SNX30: variants seen among roughly 807,000 people sequenced by gnomAD.
SNX30 encodes the protein sorting nexin-30.
Under a neutral mutation model 46.4 loss-of-function variants are expected in SNX30, and 24 were observed. The ratio of observed to expected loss-of-function variants is 0.52; its 90% confidence interval spans 0.37 to 0.73. The LOEUF is 0.73. Ranked by LOEUF, SNX30 falls within the 30% of genes least tolerant of loss-of-function variation. SNX30 has a pLI of 0.00. For synonymous variants in SNX30, 189 were observed against 211.5 expected, an observed-to-expected ratio of 0.89 and a Z score of 0.92; for missense variants, 533 against 555.7, an observed-to-expected ratio of 0.96 and a Z score of 0.41.
At chr9:112,826,740 G>C (rs145833774) in intron 3 of SNX30, among the ~76,000 whole-genome samples, 1 of 152,288 alleles carries the variant, frequency 6.6e-6, no homozygotes, top group East Asian at 1.9e-4. Flanking sequence ...ACTTCAGAAA[G>C]ATAGTAATCT....
chr9:112,865,647 A>ATGTGTGTGTGTGTGTG (rs1841316801), intron 8 of SNX30, among the ~76,000 whole-genome samples: 1 of 85,188 alleles, frequency 1.2e-5, no homozygotes, highest in Non-Finnish European at 2.8e-5. Flanking sequence ...ATATATATAT[A>ATGTGTGTGTGTGTGTG]TATATATATA....
At chr9:112,825,442 G>A (rs1840566495) in intron 3 of SNX30, among the ~76,000 whole-genome samples, 1 of 151,980 alleles carries the variant, frequency 6.6e-6, no homozygotes, top group South Asian at 2.1e-4. Flanking sequence ...CTTCAGGCGT[G>A]CACCACCATG....
At chr9:112,791,502 C>T (rs2131388316) in intron 1 of SNX30, among the ~76,000 whole-genome samples, 1 of 149,796 alleles carries the variant, frequency 6.7e-6, no homozygotes, top group Non-Finnish European at 1.5e-5. Context: ...ACCTCCGCCT[C>T]CTGGGTTCAA....
chr9:112,751,015 C>G lies in SNX30; in HGVS notation c.14C>G (p.Pro5Arg). MAGG[P>R]PKALPSTGPH... ...GCGGTGCGCGCCATGGCGGGCGGGC[C>G]CCCCAAGGCCCTGCCGTCCACGGGG... Residue 5 changes from proline to arginine, a missense_variant, in exon 1 of 9, where the codon CCC (proline) becomes CGC (arginine). By Grantham distance (103) the Pro-to-Arg change is moderately radical. This residue lies in a region of SNX30 where 191 missense variants were observed against 160.3 expected (regional missense o/e 1.19). Transcript: ENST00000374232. The G allele has an allele frequency of 7.7e-7, 1 of 1,298,098 alleles. No individual in the cohort carries two copies. The highest frequency in any genetic ancestry group is 2.3e-5 in the South Asian group (1 of 43,180). The allele number at this position is 1,298,098 out of a possible 1,614,324, so 80.4% of individuals were successfully genotyped here. A position where few individuals can be genotyped will look rare whatever the true frequency, so the allele number is the denominator to read the frequency against.
chr9:112,857,778 A>ATCCG (rs1349291359), intron 7 of SNX30, among the ~76,000 whole-genome samples: 6 of 151,700 alleles, frequency 4.0e-5, no homozygotes, highest in African/African-American at 1.5e-4. Flanking sequence ...GCATCCATCC[A>ATCCG]TCCATCCATC....
chr9:112,856,099 C>T (rs1462586195), intron 7 of SNX30, among the ~76,000 whole-genome samples: 4 of 152,042 alleles, frequency 2.6e-5, no homozygotes, highest in Non-Finnish European at 1.5e-5. Flanking sequence ...CCAAAAAGAA[C>T]AAAGAAGGGA....
At chr9:112,778,402 A>C (rs1157489460) in intron 1 of SNX30, among the ~76,000 whole-genome samples, 1 of 151,056 alleles carries the variant, frequency 6.6e-6, no homozygotes, top group Non-Finnish European at 1.5e-5. Context: ...CCTCTCGAGT[A>C]GCTGGGATTT....
intron 1 of SNX30, among the ~76,000 whole-genome samples, chr9:112,775,546 G>T (rs533387816): frequency 2.3e-3 from 170 of 73,348 alleles, no homozygotes; most frequent in Middle Eastern, 0.011. Context: ...TTAAATTTGT[G>T]TGTGTGTGTG....
At chr9:112,779,489 G>C (rs1392492217) in intron 1 of SNX30, among the ~76,000 whole-genome samples, 1 of 152,208 alleles carries the variant, frequency 6.6e-6, no homozygotes, top group Non-Finnish European at 1.5e-5. Context: ...TTGAGGTCAG[G>C]AGTTTGAGAC....
chr9:112,819,003 G>A (rs1840448928), intron 3 of SNX30, among the ~76,000 whole-genome samples: 2 of 152,076 alleles, frequency 1.3e-5, no homozygotes, highest in Non-Finnish European at 2.9e-5. Flanking sequence ...TAAACAGTTG[G>A]GAATATTCCT....
downstream of SNX30, chr9:112,879,887 A>G (rs1841556859): frequency 4.2e-6 from 6 of 1,437,884 alleles, no homozygotes; most frequent in Admixed American, 1.0e-4. Flanking sequence ...AACTGCCCTC[A>G]CAGGGTTAAT....
intron 1 of SNX30, 70 bp downstream of exon 1, chr9:112,751,227 C>T: frequency 7.6e-7 from 1 of 1,311,538 alleles, no homozygotes; most frequent in South Asian, 2.0e-5. Context: ...GGATCCGGAG[C>T]CTTCGTGGGC....
At chr9:112,836,753 C>T (rs1257806305) in intron 5 of SNX30, among the ~76,000 whole-genome samples, 5 of 152,180 alleles carry the variant, frequency 3.3e-5, no homozygotes, top group Non-Finnish European at 4.4e-5. Flanking sequence ...ATTTAGTAAA[C>T]AAACTTAGAT....
chr9:112,749,822 T>A (rs773262945), upstream of SNX30, among the ~76,000 whole-genome samples: 2 of 152,156 alleles, frequency 1.3e-5, no homozygotes, highest in Non-Finnish European at 2.9e-5. Context: ...TTGGAATGGG[T>A]AGGGAAAATG....
intron 2 of SNX30, among the ~76,000 whole-genome samples, chr9:112,809,345 G>C (rs1488892605): frequency 6.6e-6 from 1 of 152,044 alleles, no homozygotes; most frequent in East Asian, 1.9e-4. Context: ...TTCCCAAAGT[G>C]CTGGGATTAC....
chr9:112,865,659 A>ATATATATATATG (rs1554757338), intron 8 of SNX30, among the ~76,000 whole-genome samples: 7 of 79,692 alleles, frequency 8.8e-5, no homozygotes, highest in South Asian at 3.7e-4. Flanking sequence ...ATATATATAT[A>ATATATATATATG]TATGTATGTA....
chr9:112,836,645 T>C (rs769406590), intron 5 of SNX30, among the ~76,000 whole-genome samples: 1 of 152,260 alleles, frequency 6.6e-6, no homozygotes, highest in African/African-American at 2.4e-5. Context: ...TGGCCAGCAC[T>C]GCTGATTCGC....
intron 1 of SNX30, among the ~76,000 whole-genome samples, chr9:112,768,964 G>A (rs1391378082): frequency 6.6e-6 from 1 of 152,026 alleles, no homozygotes; most frequent in East Asian, 1.9e-4. Context: ...CTAACGGGCA[G>A]CCAAGATTGA....
At chr9:112,817,854 C>G in intron 3 of SNX30, 39 bp downstream of exon 3, 1 of 1,363,608 alleles carries the variant, frequency 7.3e-7, no homozygotes, top group South Asian at 1.2e-5. Flanking sequence ...CTCACTTGTC[C>G]TGTGTTGTCT....
Sources: gnomAD v4.1 joint callset for allele counts (sites outside exome capture counted in the v4.1 genomes callset) on GRCh38, gnomAD v4.1.1 for gene constraint, gnomAD v4.1.1 regional missense constraint, MANE v1.5 for transcripts, NCBI Gene and HGNC (gene_info 2026-07-23, HGNC 2026-07-21) for gene names.